The following SLC8A3 variants were observed in gnomAD, a reference collection of about 807,000 sequenced individuals.
SLC8A3 encodes the protein sodium/calcium exchanger 3.
A neutral mutation model predicts 65.4 loss-of-function variants in SLC8A3; 37 were observed. The ratio of observed to expected loss-of-function variants is 0.57; its 90% CI spans 0.44 to 0.74. The LOEUF (loss-of-function observed/expected upper bound fraction) is 0.74. Ranked by LOEUF, SLC8A3 falls within the 30% of genes least tolerant of loss-of-function variation. SLC8A3 has a pLI of 0.00. For synonymous variants in SLC8A3, 461 were observed against 444.5 expected (o/e 1.04, Z -0.47); for missense variants, 1,112 against 1,172.1 (o/e 0.95, Z 0.75).
intron 2 of SLC8A3, among the ~76,000 whole-genome samples, chr14:70,066,612 A>C (rs1365354540): frequency 6.6e-6 from 1 of 152,200 alleles, no homozygotes; most frequent in Non-Finnish European, 1.5e-5. Flanking sequence ...GGAGCTCAAG[A>C]CCAGCCTGAC....
chr14:70,097,970 CCT>C (rs1282590457), intron 2 of SLC8A3, among the ~76,000 whole-genome samples: 1 of 152,202 alleles, frequency 6.6e-6, no homozygotes, highest in Non-Finnish European at 1.5e-5. Flanking sequence ...TTAGTGTTGT[CCT>C]CTCTTTCCTG....
At chr14:70,179,609 A>G (rs961325625) in intron 1 of SLC8A3, among the ~76,000 whole-genome samples, 10 of 152,204 alleles carry the variant, frequency 6.6e-5, no homozygotes, top group Non-Finnish European at 1.2e-4. Context: ...TCAAGAACCA[A>G]TGGGACCACA....
chr14:70,174,653 TTTTTTTTTG>T lies in SLC8A3; in HGVS notation c.-62-6178_-62-6170del, dbSNP rs1419752847. ...AAAAAGCCCCTTGGACCAAATCCGT[TTTTTTTTTG>T]TTTTTTTTTTTTTTTTTTTTTTTTT... On this transcript the variant is annotated intron_variant, in intron 1 of 6. Transcript: ENST00000356921. Among the ~76,000 whole-genome samples, 30 of 49,056 alleles carry T rather than the reference TTTTTTTTTG, an allele frequency of 6.1e-4. 2 individuals carry two copies. Among genetic ancestry groups the T allele is most frequent in the African/African-American group, 2.1e-3 (26 of 12,130 alleles). 32.2% of individuals were successfully genotyped at this position (49,056 alleles called of 152,430 possible).
chr14:70,072,353 C>A (rs1015673481), intron 2 of SLC8A3, among the ~76,000 whole-genome samples: 1 of 152,176 alleles, frequency 6.6e-6, no homozygotes, highest in African/African-American at 2.4e-5. Flanking sequence ...TCAAAAGGAT[C>A]ACTCACTCTG....
intron 2 of SLC8A3, among the ~76,000 whole-genome samples, chr14:70,155,011 C>T (rs181314141): frequency 1.5e-3 from 229 of 151,324 alleles, no homozygotes; most frequent in Non-Finnish European, 2.7e-3. Flanking sequence ...CCTCTGCCTC[C>T]CAGGTTCAAG....
rs36057761 is a variant in SLC8A3, at chr14:70,137,786, C to CTTTTTTTTTT, written c.1784+28843_1784+28852dup. 6.8e-5 allele frequency among the ~76,000 whole-genome samples: 9 copies of CTTTTTTTTTT among 132,210 alleles called. 1 individual carries two copies. Among genetic ancestry groups the CTTTTTTTTTT allele is most frequent in the Admixed American group, 7.7e-5 (1 of 12,922 alleles). The allele number at this position is 132,210 out of a possible 152,430, so 86.7% of individuals were successfully genotyped here. On this transcript the variant is annotated intron_variant, in intron 2 of 6. Coordinates refer to ENST00000356921, the MANE Select transcript of SLC8A3 (RefSeq NM_182932.3). ...TCTCTGATTTGAGAGCTGGTGGTGC[C>CTTTTTTTTTT]TTTTTTTTTTTTTTTTTCTAATTTG...
intron 2 of SLC8A3, among the ~76,000 whole-genome samples, chr14:70,101,966 T>C (rs1377032180): frequency 6.6e-6 from 1 of 152,234 alleles, no homozygotes; most frequent in Non-Finnish European, 1.5e-5. Context: ...AAAAGGAGGC[T>C]ATACTTGACG....
rs148051753 is a variant in SLC8A3, at chr14:70,176,619, G to A, written c.-62-8135C>T. ...GACTCATAGCAGATCATGCGTTGAC[G>A]CACAAATGGGTACCACAAGACATTT... On this transcript the variant is annotated intron_variant, in intron 1 of 6. Coordinates refer to ENST00000356921, the MANE Select transcript of SLC8A3 (RefSeq NM_182932.3). Among the ~76,000 whole-genome samples the A allele has an allele frequency of 1.2e-3, 179 of 152,264 alleles. 1 individual carries two copies. Among genetic ancestry groups the A allele is most frequent in the African/African-American group, 3.9e-3 (161 of 41,544 alleles).
At chr14:70,067,016 AC>A (rs1440441365) in intron 2 of SLC8A3, among the ~76,000 whole-genome samples, 4 of 152,184 alleles carry the variant, frequency 2.6e-5, no homozygotes, top group Non-Finnish European at 5.9e-5. Context: ...CAGAGCCCTT[AC>A]CATGGCCTAT....
Position 70,185,375 on chromosome 14 carries a change from A to G in SLC8A3, c.-63+3004T>C, listed in dbSNP as rs186886655. 6.5e-4 allele frequency among the ~76,000 whole-genome samples: 99 copies of G among 152,388 alleles called. 2 individuals are homozygous for G. In the East Asian group the frequency reaches 0.019, roughly 29 times the overall value. Reference sequence around the variant, plus strand: ...ATGACTGAATCATGCAGGCTGGGGAACATGCCTACTATCAGTGCCCATAAG... The same window carrying G: ...ATGACTGAATCATGCAGGCTGGGGAGCATGCCTACTATCAGTGCCCATAAG... On this transcript the variant is annotated intron_variant, in intron 1 of 6. Coordinates refer to ENST00000356921, the MANE Select transcript of SLC8A3 (RefSeq NM_182932.3).
At chr14:70,169,931 C>A (rs1263189262) in intron 1 of SLC8A3, among the ~76,000 whole-genome samples, 1 of 152,090 alleles carries the variant, frequency 6.6e-6, no homozygotes, top group Non-Finnish European at 1.5e-5. Flanking sequence ...CTTATCCAAT[C>A]ACTAAATCCT....
chr14:70,094,131 T>C (rs1246208266), intron 2 of SLC8A3, among the ~76,000 whole-genome samples: 1 of 152,210 alleles, frequency 6.6e-6, no homozygotes, highest in African/African-American at 2.4e-5. Flanking sequence ...CCTAGTCTGC[T>C]AGACTGGAAA....
chr14:70,178,423 T>C (rs1041790547), intron 1 of SLC8A3, among the ~76,000 whole-genome samples: 2 of 152,180 alleles, frequency 1.3e-5, no homozygotes, highest in Non-Finnish European at 2.9e-5. Flanking sequence ...AGCAAAGGGT[T>C]TGGGGACTTA....
intron 5 of SLC8A3, among the ~76,000 whole-genome samples, 171 bp from the exon 6 acceptor site, chr14:70,049,213 C>A (rs557764924): frequency 1.3e-5 from 2 of 152,296 alleles, no homozygotes; most frequent in African/African-American, 4.8e-5. Context: ...AGTGGGGAAA[C>A]AATTTGGGCT....
At chr14:70,180,722 A>G (rs1882677892) in intron 1 of SLC8A3, among the ~76,000 whole-genome samples, 1 of 152,208 alleles carries the variant, frequency 6.6e-6, no homozygotes, top group African/African-American at 2.4e-5. Context: ...GAAAGGCAGA[A>G]GTGCAGGAGT....
chr14:70,083,644 G>A (rs1333243258), intron 2 of SLC8A3, among the ~76,000 whole-genome samples: 4 of 152,242 alleles, frequency 2.6e-5, no homozygotes, highest in Non-Finnish European at 5.9e-5. Flanking sequence ...TCTGTTTACA[G>A]TTATTTCATT....
intron 5 of SLC8A3, among the ~76,000 whole-genome samples, chr14:70,050,107 CT>C (rs1366295307): frequency 2.6e-5 from 4 of 152,198 alleles, no homozygotes; most frequent in Non-Finnish European, 5.9e-5. Flanking sequence ...TAAATCATCT[CT>C]TATTTCTGAA....
At chr14:70,085,543 C>A (rs1891370328) in intron 2 of SLC8A3, among the ~76,000 whole-genome samples, 1 of 152,156 alleles carries the variant, frequency 6.6e-6, no homozygotes, top group Admixed American at 6.5e-5. Flanking sequence ...TTGACTGAAT[C>A]CCTACAACAT....
rs564055644 is a variant in SLC8A3, at chr14:70,142,977, C to T, written c.1784+23662G>A. Among the ~76,000 whole-genome samples the T allele has an allele frequency of 2.0e-5, 3 of 152,292 alleles. No individual in the cohort carries two copies. The South Asian group carries it at 6.2e-4, about 32-fold the overall frequency. ...CTCATTTCGTTATTTTATTATTGAGCACAAATATAATCAATATTCAAGTGA... is the reference window on the plus strand; with the variant it reads ...CTCATTTCGTTATTTTATTATTGAGTACAAATATAATCAATATTCAAGTGA... On this transcript the variant is annotated intron_variant, in intron 2 of 6. Transcript: ENST00000356921.
Sources: gnomAD v4.1 joint callset for allele counts (sites outside exome capture counted in the v4.1 genomes callset) on GRCh38, gnomAD v4.1.1 for gene constraint, MANE v1.5 for transcripts, NCBI Gene and HGNC (gene_info 2026-07-23, HGNC 2026-07-21) for gene names.